ALKBH6: variants seen among roughly 807,000 people sequenced by gnomAD.
ALKBH6 encodes alkB homolog 6, nucleotide demethylase.
ALKBH6 carries 20 observed loss-of-function variants against 25.1 expected under a neutral mutation model. The ratio of observed to expected loss-of-function variants is 0.80; its 90% CI spans 0.56 to 1.16. The LOEUF (loss-of-function observed/expected upper bound fraction) is 1.16. Ranked by LOEUF, ALKBH6 falls within the 50% of genes most tolerant of loss-of-function variation. The pLI is 0.00. For missense variants in ALKBH6, 263 were observed against 326.5 expected, an observed-to-expected ratio of 0.81 and a Z score of 1.50; for synonymous variants, 156 against 147.5, an observed-to-expected ratio of 1.06 and a Z score of -0.42.
At chr19:36,012,835 A>G in intron 3 of ALKBH6, 186 bp downstream of exon 3, 1 of 621,984 alleles carries the variant, frequency 1.6e-6, no homozygotes, top group Non-Finnish European at 2.9e-6. Context: ...GCCTATGTTT[A>G]TAACCCCCTA....
chr19:36,009,222 G>A lies in ALKBH6; in HGVS notation c.*68C>T, dbSNP rs1276584457. The A allele has an allele frequency of 8.0e-7, 1 of 1,251,430 alleles. No homozygotes were observed. Among genetic ancestry groups the A allele is most frequent in the Non-Finnish European group, 1.0e-6 (1 of 999,100 alleles). 77.5% of individuals were successfully genotyped at this position (1,251,430 alleles called of 1,614,324 possible). A position where few individuals can be genotyped will look rare whatever the true frequency, so the allele number is the denominator to read the frequency against. ...GAGCCCCCTTTGCCCACGGTTCCTA[G>A]GTCGCGGAGTCACAGCAGCCCCAAA... On this transcript the variant is annotated 3_prime_UTR_variant, in exon 7 of 7. Coordinates refer to ENST00000378875, the MANE Select transcript of ALKBH6 (RefSeq NM_032878.5).
At position 36,011,385 on chromosome 19, in the gene ALKBH6, C is replaced by T. The variant is rs1181602853; in HGVS notation, c.184+19G>A. 1.2e-6 allele frequency: 2 copies of T among 1,611,418 alleles called. No individual in the cohort carries two copies. Among genetic ancestry groups the T allele is most frequent in the South Asian group, 1.1e-5 (1 of 90,592 alleles). ...CCTACATCCCAGAATCACTCCTGCC[C>T]CCAGCCAGGGATACTTACCCCAGTT... is the stretch of plus-strand genomic sequence containing the variant. On this transcript the variant is annotated intron_variant, in intron 4 of 6. Coordinates refer to ENST00000378875, the MANE Select transcript of ALKBH6 (RefSeq NM_032878.5).
rs568390462 is a variant in ALKBH6, at chr19:36,011,642, G to A, written c.124-178C>T. On this transcript the variant is annotated intron_variant, in intron 3 of 6. Transcript: ENST00000378875. ...GTGGTTTGCCTTTTTTCCTGGGAAC[G>A]CCTTTGGCCCCAAAGCCCACCTGTG... 3.2e-5 allele frequency: 20 copies of A among 628,116 alleles called. No homozygotes were observed. In the Middle Eastern group the frequency reaches 1.8e-3, roughly 57 times the overall value. 38.9% of individuals were successfully genotyped at this position (628,116 alleles called of 1,614,324 possible). A position where few individuals can be genotyped will look rare whatever the true frequency, so the allele number is the denominator to read the frequency against.
In ALKBH6 at chr19:36,011,339, G is replaced by C. The variant is rs1436593033; in HGVS notation, c.184+65C>G. On this transcript the variant is annotated intron_variant, in intron 4 of 6. Coordinates refer to ENST00000378875, the MANE Select transcript of ALKBH6 (RefSeq NM_032878.5). The stretch of plus-strand genomic sequence containing the variant: ...ACCCTCTGATGTCTTAAGTCTATTG[G>C]ACCTGAGTCCCCTGCCCCAGCCTAC... The C allele has an allele frequency of 5.1e-6, 8 of 1,576,232 alleles. No homozygotes were observed. In the East Asian group the frequency reaches 1.8e-4, roughly 35 times the overall value.
At chr19:36,009,668 G>C in intron 6 of ALKBH6, 115 bp from the exon 7 acceptor site, 1 of 733,118 alleles carries the variant, frequency 1.4e-6, no homozygotes, top group Non-Finnish European at 1.9e-6. Flanking sequence ...TGAAGAGCAA[G>C]TGTGCTCACA....
intron 1 of ALKBH6, 112 bp downstream of exon 1, chr19:36,014,063 T>C (rs1275917707): frequency 6.4e-7 from 1 of 1,551,614 alleles, no homozygotes; most frequent in Non-Finnish European, 8.7e-7. Context: ...CTCCGAGCCT[T>C]TTAGGACTCC....
chr19:36,009,608 G>GGGCTGGGGGGGGGGGGGGGGGCC, intron 6 of ALKBH6, 55 bp from the exon 7 acceptor site: 2 of 336,932 alleles, frequency 5.9e-6, no homozygotes, highest in Non-Finnish European at 9.0e-6. Context: ...GTGGGGGTGG[G>GGGCTGGGGGGGGGGGGGGGGGCC]CGAGAGGTCG....
chr19:36,014,152 C>A (rs1234576474), intron 1 of ALKBH6, 23 bp downstream of exon 1: 1 of 1,611,916 alleles, frequency 6.2e-7, no homozygotes, highest in South Asian at 1.1e-5. Context: ...CCATCTCTAC[C>A]CCCAGCACTC....
chr19:36,009,563 G>A lies in ALKBH6; in HGVS notation c.454-10C>T, dbSNP rs908402217. Reference sequence around the variant, plus strand: ...GGGGCGGAGGCCGAGGCTGCAGGGCGGGTTGAGGGTCAGCAGGGCTCAAGA... The same window carrying A: ...GGGGCGGAGGCCGAGGCTGCAGGGCAGGTTGAGGGTCAGCAGGGCTCAAGA... On this transcript the variant is annotated splice_polypyrimidine_tract_variant and intron_variant, in intron 6 of 6. Coordinates refer to ENST00000378875, the MANE Select transcript of ALKBH6 (RefSeq NM_032878.5). 2.4e-6 allele frequency: 3 copies of A among 1,247,050 alleles called. No individual in the cohort carries two copies. Among genetic ancestry groups the A allele is most frequent in the Admixed American group, 7.9e-5 (2 of 25,432 alleles). 77.2% of individuals were successfully genotyped at this position (1,247,050 alleles called of 1,614,324 possible).
At position 36,013,055 on chromosome 19, in the gene ALKBH6, A is replaced by T. The variant is rs1421272844; in HGVS notation, c.89T>A (p.Ile30Asn). 5 of 1,614,082 alleles carry T rather than the reference A, an allele frequency of 3.1e-6. No homozygotes were observed. The South Asian group carries it at 3.3e-5, about 11-fold the overall frequency. ...CAAATACTCCTCCTCTTCTTTGGAGATGAAGTCAGGGACATAGTAGATTAC... is the reference window on the plus strand; with the variant it reads ...CAAATACTCCTCCTCTTCTTTGGAGTTGAAGTCAGGGACATAGTAGATTAC... ...PPVIYYVPDF[I>N]SKEEEEYLLR... Residue 30 changes from isoleucine to asparagine, a missense_variant, in exon 3 of 7, where the codon ATC (isoleucine) becomes AAC (asparagine). Transcript: ENST00000378875. The surrounding 1 kb of genome is among the most constrained non-coding windows in gnomAD (Gnocchi z 4.6).
At chr19:36,011,132 C>A in intron 4 of ALKBH6, 87 bp from the exon 5 acceptor site, 1 of 1,505,864 alleles carries the variant, frequency 6.6e-7, no homozygotes, top group Non-Finnish European at 9.0e-7. Flanking sequence ...GCACCCTGAT[C>A]CTCTCAGGGA....
In ALKBH6 at chr19:36,009,536, C is replaced by A; in HGVS notation, c.471G>T (p.Arg157=). 1 of 1,088,422 alleles carries A rather than the reference C, an allele frequency of 9.2e-7. No individual in the cohort carries two copies. The allele number at this position is 1,088,422 out of a possible 1,614,324, so 67.4% of individuals were successfully genotyped here. ...DPTEQPRPPP[R]PTTSLLLEPR... is the part of the protein sequence containing the mutation. ...GTTCCAGCAGTAGCGAGGTGGTGGG[C>A]CGGGGCGGAGGCCGAGGCTGCAGGG... The change falls in exon 7 of 7, where the codon CGG becomes CGT. Residue 157 remains arginine, a synonymous_variant. Transcript: ENST00000378875.
Position 36,010,862 on chromosome 19 carries a change from TG to T in ALKBH6, c.336+31del. 6.2e-7 allele frequency: 1 copy of T among 1,612,124 alleles called. No individual in the cohort carries two copies. The highest frequency in any genetic ancestry group is 1.3e-5 in the African/African-American group (1 of 74,622). On this transcript the variant is annotated intron_variant, in intron 5 of 6. Transcript: ENST00000378875. This position sits in a 1 kb window ranked among gnomAD's most constrained non-coding sequence, Gnocchi z 5.5. ...CCCCAGCACAGCTCAGAAGTCTGAG[TG>T]GGGGGACACGGGCCGAGGGTGTGTG... is the stretch of plus-strand genomic sequence containing the variant.
Position 36,011,504 on chromosome 19 carries a change from C to T in ALKBH6, c.124-40G>A, listed in dbSNP as rs192706685. ...GGGGGTCACTCCTTTCTCAGGATCACCCCTCTATGATCCTCCCACCTAGAC... is the reference window on the plus strand; with the variant it reads ...GGGGGTCACTCCTTTCTCAGGATCATCCCTCTATGATCCTCCCACCTAGAC... On this transcript the variant is annotated intron_variant, in intron 3 of 6. Transcript: ENST00000378875. 33 of 1,603,154 alleles carry T rather than the reference C, an allele frequency of 2.1e-5. No individual in the cohort carries two copies. In the Admixed American group the frequency reaches 3.0e-4, roughly 15 times the overall value.
chr19:36,011,460 A>G lies in ALKBH6; in HGVS notation c.128T>C (p.Phe43Ser), dbSNP rs781298307. ...GGTCCACTTTGGCTTTGGGGCATTAAAAACCTAAGAGGTGGGAAGGGGGTC... is the reference window on the plus strand; with the variant it reads ...GGTCCACTTTGGCTTTGGGGCATTAGAAACCTAAGAGGTGGGAAGGGGGTC... ...EEEEYLLRQV[F>S]NAPKPKWTQL... The change falls in exon 4 of 7, where the codon TTT becomes TCT. Residue 43 changes from phenylalanine (F) to serine (S), a missense_variant. Phe to Ser is a radical substitution (Grantham distance 155). Around this residue, in one of 3 missense-constraint regions of ALKBH6, gnomAD observed 112 missense variants for 153.0 expected, o/e 0.73. Coordinates refer to ENST00000378875, the MANE Select transcript of ALKBH6 (RefSeq NM_032878.5). 7 of 1,613,604 alleles carry G rather than the reference A, an allele frequency of 4.3e-6. No homozygotes were observed. The highest frequency in any genetic ancestry group is 5.9e-6 in the Non-Finnish European group (7 of 1,179,972).
At chr19:36,011,095 C>T (rs749628928) in intron 4 of ALKBH6, 50 bp from the exon 5 acceptor site, 1 of 1,550,984 alleles carries the variant, frequency 6.4e-7, no homozygotes, top group South Asian at 1.2e-5. Context: ...AATAGATCCC[C>T]CATTAGGGAT....
chr19:36,010,327 T>G lies in ALKBH6; in HGVS notation c.453+240A>C. 1.9e-6 allele frequency: 1 copy of G among 526,362 alleles called. No homozygotes were observed. Among genetic ancestry groups the G allele is most frequent in the Non-Finnish European group, 3.4e-6 (1 of 291,866 alleles). The allele number at this position is 526,362 out of a possible 1,614,324, so 32.6% of individuals were successfully genotyped here. On this transcript the variant is annotated intron_variant, in intron 6 of 6. Coordinates refer to ENST00000378875, the MANE Select transcript of ALKBH6 (RefSeq NM_032878.5). The surrounding 1 kb of genome is among the most constrained non-coding windows in gnomAD (Gnocchi z 5.5). ...TCAGTGTCTGCTGGGGAGTCAGGGGTATCCATTCAGCAGGTTGGGGCATCG... is the reference window on the plus strand; with the variant it reads ...TCAGTGTCTGCTGGGGAGTCAGGGGGATCCATTCAGCAGGTTGGGGCATCG...
chr19:36,014,100 C>T (rs1968710307), intron 1 of ALKBH6, 75 bp downstream of exon 1: 1 of 1,598,436 alleles, frequency 6.3e-7, no homozygotes, highest in African/African-American at 1.4e-5. Flanking sequence ...CGGACTCCTA[C>T]TCTGGGCTCC....
chr19:36,009,560 G>A lies in ALKBH6; in HGVS notation c.454-7C>T. On this transcript the variant is annotated splice_polypyrimidine_tract_variant and splice_region_variant and intron_variant, in intron 6 of 6. Coordinates refer to ENST00000378875, the MANE Select transcript of ALKBH6 (RefSeq NM_032878.5). ...GCCGGGGCGGAGGCCGAGGCTGCAG[G>A]GCGGGTTGAGGGTCAGCAGGGCTCA... 2 of 1,249,578 alleles carry A rather than the reference G, an allele frequency of 1.6e-6. No individual in the cohort carries two copies. The highest frequency in any genetic ancestry group is 5.0e-4 in the Middle Eastern group (2 of 4,034). 77.4% of individuals were successfully genotyped at this position (1,249,578 alleles called of 1,614,324 possible).
Sources: allele counts gnomAD v4.1 joint callset, GRCh38; gene constraint gnomAD v4.1.1; regional missense constraint gnomAD v4.1.1; non-coding constraint Gnocchi (gnomAD v3.1); transcripts MANE v1.5; gene names NCBI Gene and HGNC (gene_info 2026-07-23, HGNC 2026-07-21).